The following FAT3 variants were observed in gnomAD, a reference collection of about 807,000 sequenced individuals.
The protein encoded by FAT3 is protocadherin Fat 3.
A neutral mutation model predicts 310.2 loss-of-function variants in FAT3; 95 were observed. The observed-to-expected ratio is 0.31, with a 90% CI of 0.26 to 0.36. The LOEUF (loss-of-function observed/expected upper bound fraction) is 0.36. Ranked by LOEUF, FAT3 falls within the 10% of genes least tolerant of loss-of-function variation. The probability of loss-of-function intolerance (pLI) is 1.00; values close to 1 mark genes in which losing one functional copy is unlikely to be tolerated. For missense variants in FAT3, 5,408 were observed against 5,715.6 expected (o/e 0.95, Z 1.74); for synonymous variants, 2,314 against 2,192.9 (o/e 1.06, Z -1.54).
rs781522886 is a variant in FAT3 at position 92,282,066 on chromosome 11, C to T, written c.-18+56892C>T. 2.0e-4 allele frequency among the ~76,000 whole-genome samples: 30 copies of T among 152,068 alleles called. 1 individual carries two copies. The highest frequency in any genetic ancestry group is 3.1e-4 in the African/African-American group (13 of 41,478). ...GATTACAGGCACACACCACCATGCC[C>T]GACTAATTTTTGTATGTTTAGTAGA... On this transcript the variant is annotated intron_variant, in intron 1 of 27. Coordinates refer to ENST00000525166, the MANE Select transcript of FAT3 (RefSeq NM_001367949.2).
intron 13 of FAT3, among the ~76,000 whole-genome samples, chr11:92,819,070 C>T (rs911892089): frequency 1.3e-5 from 2 of 152,206 alleles, no homozygotes; most frequent in Admixed American, 6.5e-5. Flanking sequence ...TGCAAGTTAG[C>T]GTACTTTTTC....
intron 2 of FAT3, among the ~76,000 whole-genome samples, chr11:92,492,849 A>G (rs1247251794): frequency 6.6e-6 from 1 of 152,098 alleles, no homozygotes; most frequent in Non-Finnish European, 1.5e-5. Context: ...TGCTGAACAA[A>G]TGCTGGTTCC....
chr11:92,324,678 A>G (rs912986008), intron 1 of FAT3, among the ~76,000 whole-genome samples: 5 of 152,212 alleles, frequency 3.3e-5, no homozygotes, highest in African/African-American at 9.7e-5. Flanking sequence ...TGATGTGAGA[A>G]CATGCTGTTG....
intron 2 of FAT3, among the ~76,000 whole-genome samples, chr11:92,368,405 T>A (rs953548103): frequency 1.3e-5 from 2 of 152,222 alleles, no homozygotes; most frequent in African/African-American, 4.8e-5. Flanking sequence ...TTAATAATAC[T>A]GCTGCAAGTC....
intron 4 of FAT3, among the ~76,000 whole-genome samples, chr11:92,721,304 A>G (rs1048370744): frequency 2.6e-5 from 4 of 152,228 alleles, no homozygotes; most frequent in Non-Finnish European, 4.4e-5. Context: ...GTGTCCTCTG[A>G]GGATATTGAA....
intron 7 of FAT3, among the ~76,000 whole-genome samples, chr11:92,788,005 T>C (rs984790767): frequency 5.3e-5 from 8 of 152,182 alleles, no homozygotes; most frequent in African/African-American, 1.9e-4. Context: ...CTCTGTCCAT[T>C]GAATGAAACC....
chr11:92,321,277 A>T (rs1310277013), intron 1 of FAT3, among the ~76,000 whole-genome samples: 1 of 152,048 alleles, frequency 6.6e-6, no homozygotes, highest in Non-Finnish European at 1.5e-5. Context: ...TCTACTAAAA[A>T]TACAAAAAAA....
intron 3 of FAT3, among the ~76,000 whole-genome samples, chr11:92,652,929 G>C (rs941895369): frequency 1.3e-5 from 2 of 152,146 alleles, no homozygotes; most frequent in Admixed American, 6.5e-5. Context: ...TTGGGAAGCC[G>C]AGGCGGGTAG....
intron 2 of FAT3, among the ~76,000 whole-genome samples, chr11:92,427,582 G>A (rs143775127): frequency 6.6e-6 from 1 of 151,986 alleles, no homozygotes; most frequent in African/African-American, 2.4e-5. Flanking sequence ...GAATGAAGGG[G>A]TGTTGAATTT....
intron 4 of FAT3, among the ~76,000 whole-genome samples, chr11:92,733,010 A>G (rs1945232533): frequency 6.6e-6 from 1 of 152,214 alleles, no homozygotes; most frequent in African/African-American, 2.4e-5. Context: ...ACCGCACAGG[A>G]TGTTCCAGAA....
intron 2 of FAT3, among the ~76,000 whole-genome samples, chr11:92,404,046 GAGAGAA>G (rs1001602044): frequency 1.3e-5 from 2 of 151,844 alleles, no homozygotes; most frequent in Admixed American, 6.6e-5. Context: ...AAAAAAAAGG[GAGAGAA>G]AGAGAAAGAA....
In FAT3 at chr11:92,490,494, T is replaced by C. The variant is rs1253543011; in HGVS notation, c.3293-34140T>C. 2.6e-5 allele frequency among the ~76,000 whole-genome samples: 4 copies of C among 152,204 alleles called. 1 individual carries two copies. The highest frequency in any genetic ancestry group is 5.9e-5 in the Non-Finnish European group (4 of 68,002). On this transcript the variant is annotated intron_variant, in intron 2 of 27. Coordinates refer to ENST00000525166, the MANE Select transcript of FAT3 (RefSeq NM_001367949.2). Reference sequence around the variant, plus strand: ...GAGAAGTGGAGACTATCAAAAAACATTGTGTATGAAAGGATTTTGTATGCT... The same window carrying C: ...GAGAAGTGGAGACTATCAAAAAACACTGTGTATGAAAGGATTTTGTATGCT...
chr11:92,651,282 A>G (rs1198410244), intron 3 of FAT3, among the ~76,000 whole-genome samples: 1 of 152,204 alleles, frequency 6.6e-6, no homozygotes, highest in Non-Finnish European at 1.5e-5. Flanking sequence ...GAATGTGTGC[A>G]GGTAACGTGG....
rs114793668 is a variant in FAT3, at chr11:92,292,782, G to T, written c.-17-59314G>T. Among the ~76,000 whole-genome samples the T allele has an allele frequency of 5.9e-3, 892 of 152,148 alleles. 15 individuals are homozygous for T. The highest frequency in any genetic ancestry group is 0.02 in the African/African-American group (817 of 41,540). On this transcript the variant is annotated intron_variant, in intron 1 of 27. Transcript: ENST00000525166. ...TTGTGCAAATGCTGCATTTCCCACT[G>T]GACTCTGATATCACAGGTATTTTAA...
At chr11:92,325,679 T>G (rs531546627) in intron 1 of FAT3, among the ~76,000 whole-genome samples, 1 of 152,346 alleles carries the variant, frequency 6.6e-6, no homozygotes, top group Admixed American at 6.5e-5. Context: ...GTCACCAGGC[T>G]GGAGTGCAGT....
At chr11:92,385,380 AT>A (rs1048535703) in intron 2 of FAT3, among the ~76,000 whole-genome samples, 6 of 151,858 alleles carry the variant, frequency 4.0e-5, no homozygotes, top group African/African-American at 1.5e-4. Context: ...TATTTTATTT[AT>A]TTTTGAGACA....
At chr11:92,266,004 G>A (rs1479752879) in intron 1 of FAT3, among the ~76,000 whole-genome samples, 1 of 151,918 alleles carries the variant, frequency 6.6e-6, no homozygotes, top group South Asian at 2.1e-4. Context: ...ATCATTTCTT[G>A]ATGTTTTTTG....
At position 92,245,790 on chromosome 11, in the gene FAT3, T is replaced by C. The variant is rs1229082731; in HGVS notation, c.-18+20616T>C. On this transcript the variant is annotated intron_variant, in intron 1 of 27. Transcript: ENST00000525166. The stretch of plus-strand genomic sequence containing the variant: ...CTGGCTGGATTTGGCCAGTGAGCTG[T>C]AGTTTGCAACCCCTGCTTTAGAGTA... 2.0e-5 allele frequency among the ~76,000 whole-genome samples: 3 copies of C among 152,178 alleles called. 1 individual carries two copies. The highest frequency in any genetic ancestry group is 4.1e-4 in the South Asian group (2 of 4,836).
At chr11:92,311,721 T>TAGA (rs149611548) in intron 1 of FAT3, among the ~76,000 whole-genome samples, 2,094 of 152,290 alleles carry the variant, frequency 0.014, 44 homozygotes, top group African/African-American at 0.048. Flanking sequence ...CAAAGGTTTC[T>TAGA]GTCAAGACTG....
Sources: allele counts gnomAD v4.1 joint callset (sites outside exome capture counted in the v4.1 genomes callset), GRCh38; gene constraint gnomAD v4.1.1; transcripts MANE v1.5; gene names NCBI Gene and HGNC (gene_info 2026-07-23, HGNC 2026-07-21).